ANO1: variants seen among roughly 807,000 people sequenced by gnomAD.
The protein encoded by ANO1 is anoctamin 1, also known as anoctamin-1.
A neutral mutation model predicts 124.0 loss-of-function variants in ANO1; 59 were observed. The observed-to-expected ratio is 0.48, with a 90% confidence interval of 0.39 to 0.59. The LOEUF (loss-of-function observed/expected upper bound fraction) is 0.59, where lower values mean the gene tolerates loss of function less well. Among genes scored for constraint, ANO1 ranks in the 20% least tolerant of loss-of-function variants. ANO1 has a pLI of 0.00. For synonymous variants in ANO1, 529 were observed against 532.0 expected (o/e 0.99, Z 0.08); for missense variants, 1,059 against 1,328.0 (o/e 0.80, Z 3.15).
chr11:70,028,783 C>T (rs185026267), intron 1 of ANO1, among the ~76,000 whole-genome samples: 7 of 152,216 alleles, frequency 4.6e-5, no homozygotes, highest in Non-Finnish European at 1.0e-4. Flanking sequence ...TCCTAAGTTT[C>T]TGGTGTTTTG....
intron 1 of ANO1, among the ~76,000 whole-genome samples, chr11:70,060,750 G>A (rs1398882161): frequency 1.3e-5 from 2 of 152,172 alleles, no homozygotes; most frequent in African/African-American, 4.8e-5. Flanking sequence ...GAACTGTGAG[G>A]TCAACTTGTT....
chr11:70,077,102 T>G (rs2044070977), upstream of ANO1, among the ~76,000 whole-genome samples: 1 of 152,242 alleles, frequency 6.6e-6, no homozygotes, highest in South Asian at 2.1e-4. Context: ...CATGGCACGC[T>G]GACGACATCG....
At position 70,188,090 on chromosome 11, in the gene ANO1, A is replaced by G. The variant is rs980605366; in HGVS notation, c.*86A>G. ...GGGCAGGCGGCTTCCCGCTCCCACC[A>G]GGGCCCGGTGGGTCCTGGGTTTTCT... On this transcript the variant is annotated 3_prime_UTR_variant, in exon 26 of 26. Coordinates refer to ENST00000355303, the MANE Select transcript of ANO1 (RefSeq NM_018043.7). The G allele has an allele frequency of 3.4e-6, 5 of 1,459,020 alleles. No homozygotes were observed. The highest frequency in any genetic ancestry group is 1.4e-5 in the African/African-American group (1 of 70,974). 90.4% of individuals were successfully genotyped at this position (1,459,020 alleles called of 1,614,324 possible).
rs1326678554 is a variant in ANO1 at position 70,188,053 on chromosome 11, C to T, written c.*49C>T. 1 of 1,523,530 alleles carries T rather than the reference C, an allele frequency of 6.6e-7. No homozygotes were observed. The highest frequency in any genetic ancestry group is 8.8e-7 in the Non-Finnish European group (1 of 1,135,244). 94.4% of individuals were successfully genotyped at this position (1,523,530 alleles called of 1,614,324 possible). On this transcript the variant is annotated 3_prime_UTR_variant, in exon 26 of 26. Transcript: ENST00000355303. Reference sequence around the variant, plus strand: ...CCAGCCGGGCATCCTGACCGATGGGCACCCTCTCCCAGGGCAGGCGGCTTC... The same window carrying T: ...CCAGCCGGGCATCCTGACCGATGGGTACCCTCTCCCAGGGCAGGCGGCTTC...
the ANO1 span, among the ~76,000 whole-genome samples, chr11:69,978,934 A>C: frequency 1.3e-5 from 2 of 152,200 alleles, no homozygotes; most frequent in Non-Finnish European, 2.9e-5. Flanking sequence ...CATTGGTGCT[A>C]TTTATGCTGA....
intron 11 of ANO1, among the ~76,000 whole-genome samples, chr11:70,146,744 A>G (rs897724915): frequency 6.6e-6 from 1 of 152,150 alleles, no homozygotes; most frequent in East Asian, 1.9e-4. Context: ...AAGGCGTGAG[A>G]GCCCCCAACA....
At chr11:70,112,262 A>G (rs896905766) in intron 7 of ANO1, among the ~76,000 whole-genome samples, 5 of 152,206 alleles carry the variant, frequency 3.3e-5, no homozygotes, top group African/African-American at 4.8e-5. Context: ...TGTTGTCTCT[A>G]TGGAAACAGG....
chr11:70,104,835 C>T (rs1035176087), intron 4 of ANO1, among the ~76,000 whole-genome samples: 5 of 152,038 alleles, frequency 3.3e-5, no homozygotes, highest in African/African-American at 7.2e-5. Flanking sequence ...CTCACAGGGT[C>T]GGGGGCATGG....
In ANO1 at chr11:70,171,042, G is replaced by T. The variant is rs371500357; in HGVS notation, c.2350+3G>T. On this transcript the variant is annotated splice_donor_region_variant and intron_variant, in intron 22 of 25. Coordinates refer to ENST00000355303, the MANE Select transcript of ANO1 (RefSeq NM_018043.7). ...AGCTGTCAGAGCCAAAGACATCGGT[G>T]AGTGACCCCACGGGCCGGCAGAACC... The T allele has an allele frequency of 1.7e-5, 27 of 1,611,212 alleles. No homozygotes were observed. Among genetic ancestry groups the T allele is most frequent in the Non-Finnish European group, 2.3e-5 (27 of 1,178,860 alleles).
At chr11:70,060,821 C>A (rs1565171182) in intron 1 of ANO1, among the ~76,000 whole-genome samples, 1 of 152,142 alleles carries the variant, frequency 6.6e-6, no homozygotes, top group Non-Finnish European at 1.5e-5. Flanking sequence ...GCAGCACAGC[C>A]TTGGATTTCA....
At chr11:69,987,604 C>CAAAAAA (rs202001305) in intron 1 of ANO1, among the ~76,000 whole-genome samples, 3 of 109,738 alleles carry the variant, frequency 2.7e-5, no homozygotes, top group African/African-American at 1.3e-4. Context: ...GACCATGTCT[C>CAAAAAA]AAAAAAAAAA....
chr11:70,166,446 GC>G (rs34769238), intron 20 of ANO1, among the ~76,000 whole-genome samples: 2 of 152,236 alleles, frequency 1.3e-5, no homozygotes, highest in African/African-American at 4.8e-5. Context: ...ACCACCAGGT[GC>G]CCCCAAGCCC....
chr11:70,052,245 G>A (rs117549720), intron 1 of ANO1, among the ~76,000 whole-genome samples: 1,685 of 152,284 alleles, frequency 0.011, 14 homozygotes, highest in Non-Finnish European at 0.015. Flanking sequence ...AATATATGCA[G>A]GTCAGTTTCT....
intron 16 of ANO1, among the ~76,000 whole-genome samples, chr11:70,158,446 G>T (rs1374241884): frequency 1.1e-4 from 17 of 152,234 alleles, no homozygotes. Context: ...CTCATCACTG[G>T]CCAGTCCTGG....
chr11:70,072,001 C>T (rs1857883561), intron 1 of ANO1, among the ~76,000 whole-genome samples: 1 of 152,060 alleles, frequency 6.6e-6, no homozygotes, highest in African/African-American at 2.4e-5. Context: ...ATTGATTTCC[C>T]CTGATTATTT....
intron 23 of ANO1, among the ~76,000 whole-genome samples, chr11:70,181,493 C>G (rs75163670): frequency 2.3e-3 from 343 of 152,364 alleles, no homozygotes; most frequent in African/African-American, 7.9e-3. Flanking sequence ...CAGACAAAGG[C>G]GCGCAGGGCC....
intron 1 of ANO1, among the ~76,000 whole-genome samples, chr11:69,989,681 C>T (rs1441273522): frequency 6.6e-6 from 1 of 152,130 alleles, no homozygotes; most frequent in Non-Finnish European, 1.5e-5. Context: ...ACAGGTCCCT[C>T]TGGCTGTCCT....
At chr11:70,032,306 A>C (rs2135032751) in intron 1 of ANO1, among the ~76,000 whole-genome samples, 1 of 152,216 alleles carries the variant, frequency 6.6e-6, no homozygotes, top group East Asian at 1.9e-4. Flanking sequence ...AGGGCCTGGC[A>C]AGTTTGAGGA....
chr11:70,178,280 G>A (rs1176139965), intron 22 of ANO1, among the ~76,000 whole-genome samples: 1 of 152,242 alleles, frequency 6.6e-6, no homozygotes, highest in African/African-American at 2.4e-5. Flanking sequence ...TTGTAGGGCT[G>A]TGCCATCCAA....
Sources: allele counts gnomAD v4.1 joint callset (sites outside exome capture counted in the v4.1 genomes callset), GRCh38; gene constraint gnomAD v4.1.1; transcripts MANE v1.5; gene names NCBI Gene and HGNC (gene_info 2026-07-23, HGNC 2026-07-21).